The following NRAP variants were observed in gnomAD, a reference collection of about 807,000 sequenced individuals.
NRAP encodes the protein nebulin-related-anchoring protein.
A neutral mutation model predicts 225.9 loss-of-function variants in NRAP; 189 were observed. The observed-to-expected ratio is 0.84, with a 90% confidence interval of 0.74 to 0.94. The LOEUF (loss-of-function observed/expected upper bound fraction) is 0.94. NRAP is among the 40% of genes least tolerant of loss of function. The pLI, the probability that NRAP is intolerant of heterozygous loss-of-function variation, is 0.00. For missense variants in NRAP, 2,176 were observed against 2,168.7 expected, an observed-to-expected ratio of 1.00 and a Z score of -0.07; for synonymous variants, 769 against 790.7, an observed-to-expected ratio of 0.97 and a Z score of 0.46.
At chr10:113,642,794 C>G (rs1310254680) in intron 12 of NRAP, 140 bp downstream of exon 12, 2 of 607,978 alleles carry the variant, frequency 3.3e-6, no homozygotes, top group Non-Finnish European at 6.0e-6. Context: ...CAACCTTAAC[C>G]AAAACCCAGG....
chr10:113,611,767 G>A (rs1192292869), intron 30 of NRAP, among the ~76,000 whole-genome samples: 1 of 152,140 alleles, frequency 6.6e-6, no homozygotes, highest in African/African-American at 2.4e-5. Context: ...AGCACCAAGA[G>A]GAATCCTTCC....
chr10:113,598,557 C>T (rs958719707), intron 35 of NRAP, among the ~76,000 whole-genome samples: 3 of 151,946 alleles, frequency 2.0e-5, no homozygotes, highest in African/African-American at 4.8e-5. Context: ...CTGTGATACT[C>T]GAAGTTCATA....
chr10:113,641,322 T>C lies in NRAP; in HGVS notation c.1323+43A>G, dbSNP rs3127105. 725,879 of 1,171,148 alleles carry C rather than the reference T, an allele frequency of 0.62. 229,290 individuals are homozygous for C. The highest frequency in any genetic ancestry group is 0.73 in the East Asian group (31,072 of 42,734). 72.5% of individuals were successfully genotyped at this position (1,171,148 alleles called of 1,614,324 possible). On this transcript the variant is annotated intron_variant, in intron 13 of 41. Transcript: ENST00000359988. ...AGAATTGGCTGAATTCTTCATGCCC[T>C]GCCCCACTCCATCCCAACAGACCCT...
In NRAP at chr10:113,663,353, C is replaced by T. The variant is rs755469520; in HGVS notation, c.166G>A (p.Ala56Thr). The change falls in exon 2 of 42, where the codon GCC becomes ACC. Residue 56 changes from alanine (A) to threonine (T), a missense_variant and splice_region_variant. Transcript: ENST00000359988. ...VSHQKKPYCH[A>T]HNPKNNTFTS... ...GTGGTGGGGGCATCAAACACTTACG[C>T]GTGACAGTACGGCTTTTTCTGGTGA... 39 of 1,592,328 alleles carry T rather than the reference C, an allele frequency of 2.4e-5. No individual in the cohort carries two copies. The highest frequency in any genetic ancestry group is 3.2e-5 in the Non-Finnish European group (37 of 1,160,310).
rs542496012 is a variant in NRAP at position 113,625,872 on chromosome 10, T to A, written c.2244+175A>T. ...ATGGTGGTGGATGAAGCAAGGGGCC[T>A]GGTGTCCAGTTCCAGAAACAGCCTG... On this transcript the variant is annotated intron_variant, in intron 21 of 41. Coordinates refer to ENST00000359988, the MANE Select transcript of NRAP (RefSeq NM_198060.4). Among the ~76,000 whole-genome samples the A allele has an allele frequency of 2.0e-5, 3 of 152,318 alleles. No homozygotes were observed. The East Asian group carries it at 5.8e-4, about 29-fold the overall frequency.
chr10:113,660,112 C>A (rs1243235072), intron 3 of NRAP, among the ~76,000 whole-genome samples: 1 of 151,114 alleles, frequency 6.6e-6, no homozygotes. Context: ...TACATACATA[C>A]ATACATAAAC....
chr10:113,603,520 C>G (rs1170067450), intron 35 of NRAP, among the ~76,000 whole-genome samples: 1 of 152,142 alleles, frequency 6.6e-6, no homozygotes, highest in East Asian at 1.9e-4. Context: ...ACAGGAGTAA[C>G]AGCTGCCCCC....
chr10:113,652,057 T>C, intron 6 of NRAP, 150 bp from the exon 7 acceptor site: 2 of 672,054 alleles, frequency 3.0e-6, no homozygotes, highest in South Asian at 3.2e-5. Flanking sequence ...GGGCTCCTCC[T>C]CAAAAAGCAT....
chr10:113,621,570 C>T (rs1847987342), intron 24 of NRAP, among the ~76,000 whole-genome samples: 1 of 152,150 alleles, frequency 6.6e-6, no homozygotes, highest in African/African-American at 2.4e-5. Context: ...CTAGGAATGA[C>T]ACAAAGATAC....
Position 113,598,002 on chromosome 10 carries a change from C to G in NRAP, c.4299G>C (p.Glu1433Asp), listed in dbSNP as rs1451605437. 40 of 1,613,840 alleles carry G rather than the reference C, an allele frequency of 2.5e-5. No homozygotes were observed. Among genetic ancestry groups the G allele is most frequent in the Admixed American group, 3.3e-5 (2 of 60,008 alleles). The change falls in exon 36 of 42, where the codon GAG becomes GAC. Residue 1433 changes from glutamate to aspartate, a missense_variant. Transcript: ENST00000359988. ...TGAGTTCTCCAGCCTTCTTTGCACT[C>G]TCCATCTGTGGGGATCTCAGCGCCA... ...GWLALRSPQM[E>D]SAKKAGELIS...
chr10:113,610,510 T>G lies in NRAP; in HGVS notation c.3552A>C (p.Pro1184=), dbSNP rs1847264097. 1.9e-6 allele frequency: 3 copies of G among 1,605,444 alleles called. No homozygotes were observed. Among genetic ancestry groups the G allele is most frequent in the African/African-American group, 2.7e-5 (2 of 74,788 alleles). The change falls in exon 31 of 42, where the codon CCA becomes CCC. Residue 1184 remains proline, a synonymous_variant. Coordinates refer to ENST00000359988, the MANE Select transcript of NRAP (RefSeq NM_198060.4). ...TCCTCCCTTCAATCTCTAACGTGCC[T>G]GGAATGACACATGCAACACCTCGCA... The part of the protein sequence containing the change: ...NFMRGVACVI[P]GTLEIEGRKK...
rs1451887124 is a variant in NRAP, at chr10:113,624,728, TGATACA to T, written c.2349+92_2349+97del. 4 of 811,372 alleles carry T rather than the reference TGATACA, an allele frequency of 4.9e-6. No homozygotes were observed. In the Admixed American group the frequency reaches 7.6e-5, roughly 16 times the overall value. The allele number at this position is 811,372 out of a possible 1,614,324, so 50.3% of individuals were successfully genotyped here. On this transcript the variant is annotated intron_variant, in intron 22 of 41. Transcript: ENST00000359988. Reference sequence around the variant, plus strand: ...ACAACCAGATGTATGTAACCTCAGTTGATACAGACACTATGCCATGGCTGGTGGGCT... The same window carrying T: ...ACAACCAGATGTATGTAACCTCAGTTGACACTATGCCATGGCTGGTGGGCT...
chr10:113,623,845 A>T (rs547200594), intron 22 of NRAP, among the ~76,000 whole-genome samples: 2 of 152,338 alleles, frequency 1.3e-5, no homozygotes, highest in African/African-American at 4.8e-5. Flanking sequence ...TCAATCAAAA[A>T]AAGCAGAAAT....
rs115077182 is a variant in NRAP at position 113,611,799 on chromosome 10, A to T, written c.3498+435T>A. Among the ~76,000 whole-genome samples, 858 of 152,300 alleles carry T rather than the reference A, an allele frequency of 5.6e-3. 14 individuals are homozygous for T. The highest frequency in any genetic ancestry group is 0.019 in the African/African-American group (807 of 41,570). On this transcript the variant is annotated intron_variant, in intron 30 of 41. Coordinates refer to ENST00000359988, the MANE Select transcript of NRAP (RefSeq NM_198060.4). ...TTCCTGAGACTTGAGGCCAGAGGCA[A>T]TATCATTGGCAAATCTTAAACATGC...
chr10:113,604,981 A>C, intron 34 of NRAP, 61 bp from the exon 35 acceptor site: 2 of 1,545,586 alleles, frequency 1.3e-6, no homozygotes, highest in Non-Finnish European at 1.8e-6. Flanking sequence ...GACTCTAGAA[A>C]AATCACTTGT....
At chr10:113,650,379 A>G in intron 8 of NRAP, 59 bp downstream of exon 8, 1 of 1,271,518 alleles carries the variant, frequency 7.9e-7, no homozygotes, top group South Asian at 1.2e-5. Context: ...TGGACTCCTC[A>G]GACCCAGGTT....
At position 113,634,262 on chromosome 10, in the gene NRAP, T is replaced by C. The variant is rs368813529; in HGVS notation, c.1429-52A>G. 788 of 1,306,992 alleles carry C rather than the reference T, an allele frequency of 6.0e-4. 8 individuals are homozygous for C. The highest frequency in any genetic ancestry group is 4.2e-3 in the South Asian group (357 of 84,402). The allele number at this position is 1,306,992 out of a possible 1,614,324, so 81.0% of individuals were successfully genotyped here. A position where few individuals can be genotyped will look rare whatever the true frequency, so the allele number is the denominator to read the frequency against. Reference sequence around the variant, plus strand: ...GTCATTTGCTCTTTTCTCAAAGATTTGCTTAGCTCCCTCTCCCAAGCCCAA... The same window carrying C: ...GTCATTTGCTCTTTTCTCAAAGATTCGCTTAGCTCCCTCTCCCAAGCCCAA... On this transcript the variant is annotated intron_variant, in intron 14 of 41. Coordinates refer to ENST00000359988, the MANE Select transcript of NRAP (RefSeq NM_198060.4).
chr10:113,636,127 G>A (rs1244693203), intron 14 of NRAP, among the ~76,000 whole-genome samples: 1 of 152,182 alleles, frequency 6.6e-6, no homozygotes, highest in East Asian at 1.9e-4. Flanking sequence ...AAGGCCAAAG[G>A]CCCCACCCAG....
At position 113,608,460 on chromosome 10, in the gene NRAP, G is replaced by T; in HGVS notation, c.3656C>A (p.Thr1219Asn). 6.2e-7 allele frequency: 1 copy of T among 1,613,724 alleles called. No homozygotes were observed. Among genetic ancestry groups the T allele is most frequent in the Non-Finnish European group, 8.5e-7 (1 of 1,179,642 alleles). Residue 1219 changes from threonine (T) to asparagine (N), a missense_variant, in exon 32 of 42, where the codon ACT (threonine) becomes AAT (asparagine). This residue lies in a region of NRAP where 1,708 missense variants were observed against 1,695.5 expected (regional missense o/e 1.01). Coordinates refer to ENST00000359988, the MANE Select transcript of NRAP (RefSeq NM_198060.4). ...HSFKYTAVTD[T>N]PNLLHAKFSN... The stretch of plus-strand genomic sequence containing the variant: ...GAATTTCGCATGAAGGAGGTTGGGA[G>T]TGTCTGTCACAGCTGTGTACTTGAA...
Sources: allele counts gnomAD v4.1 joint callset (sites outside exome capture counted in the v4.1 genomes callset), GRCh38; gene constraint gnomAD v4.1.1; regional missense constraint gnomAD v4.1.1; transcripts MANE v1.5; gene names NCBI Gene and HGNC (gene_info 2026-07-23, HGNC 2026-07-21).